Variants in BABAM2 observed in about 807,000 individuals in gnomAD.
BABAM2 encodes BRISC and BRCA1 A complex member 2.
A neutral mutation model predicts 54.7 loss-of-function variants in BABAM2; 31 were observed. That is an observed-to-expected ratio of 0.57 (90% CI 0.43 to 0.77). The LOEUF is 0.77. Ranked by LOEUF, BABAM2 falls within the 30% of genes least tolerant of loss-of-function variation. The pLI, the probability that BABAM2 is intolerant of heterozygous loss-of-function variation, is 0.00. For missense variants in BABAM2, 364 were observed against 455.8 expected, an observed-to-expected ratio of 0.80 and a Z score of 1.83; for synonymous variants, 167 against 162.9, an observed-to-expected ratio of 1.03 and a Z score of -0.19.
intron 3 of BABAM2, among the ~76,000 whole-genome samples, chr2:27,931,872 C>T (rs1374707655): frequency 6.6e-6 from 1 of 152,066 alleles, no homozygotes; most frequent in Non-Finnish European, 1.5e-5. Context: ...TCTTCCTTCA[C>T]CTCCCAGCTT....
chr2:28,324,030 A>G (rs1690245498), intron 11 of BABAM2, among the ~76,000 whole-genome samples: 2 of 152,294 alleles, frequency 1.3e-5, no homozygotes, highest in South Asian at 4.1e-4. Flanking sequence ...AGATCCCAAG[A>G]TGAGAGTGAA....
intron 5 of BABAM2, among the ~76,000 whole-genome samples, chr2:28,044,903 C>T (rs901700787): frequency 7.3e-5 from 11 of 151,478 alleles, no homozygotes; most frequent in Non-Finnish European, 1.5e-4. Context: ...CAGGTCAGGA[C>T]GCATCTTTGT....
At chr2:28,195,034 A>G (rs183119472) in intron 7 of BABAM2, among the ~76,000 whole-genome samples, 23 of 152,312 alleles carry the variant, frequency 1.5e-4, no homozygotes, top group African/African-American at 5.5e-4. Context: ...TACCAGAGAG[A>G]AAATTGTGCT....
chr2:28,171,825 C>T (rs1674355540), intron 7 of BABAM2, among the ~76,000 whole-genome samples: 1 of 151,620 alleles, frequency 6.6e-6, no homozygotes, highest in Non-Finnish European at 1.5e-5. Flanking sequence ...AGAGGTATGT[C>T]AGTGAAGTTT....
At chr2:28,254,922 A>G (rs1683841223) in intron 10 of BABAM2, among the ~76,000 whole-genome samples, 1 of 151,610 alleles carries the variant, frequency 6.6e-6, no homozygotes, top group Admixed American at 6.6e-5. Flanking sequence ...TTTTCCATAA[A>G]GACAGAGTCT....
At chr2:28,096,122 C>T (rs1407784059) in intron 6 of BABAM2, among the ~76,000 whole-genome samples, 2 of 152,058 alleles carry the variant, frequency 1.3e-5, no homozygotes, top group Admixed American at 6.6e-5. Context: ...TAGGTCTGGC[C>T]AGGCTCCTGT....
chr2:27,940,831 G>C (rs1049857374), intron 3 of BABAM2, among the ~76,000 whole-genome samples: 1 of 152,192 alleles, frequency 6.6e-6, no homozygotes, highest in African/African-American at 2.4e-5. Context: ...GAACTGGAAG[G>C]CTGGTAGACA....
intron 7 of BABAM2, among the ~76,000 whole-genome samples, chr2:28,133,975 A>G (rs1459196672): frequency 6.6e-6 from 1 of 152,138 alleles, no homozygotes; most frequent in Non-Finnish European, 1.5e-5. Context: ...GCACGCCCTT[A>G]CGATGCTTAG....
At chr2:27,923,802 C>T (rs1181778162) in intron 2 of BABAM2, among the ~76,000 whole-genome samples, 2 of 151,924 alleles carry the variant, frequency 1.3e-5, no homozygotes, top group Non-Finnish European at 2.9e-5. Context: ...GAAACCTTGC[C>T]TCTATTAAAA....
intron 11 of BABAM2, among the ~76,000 whole-genome samples, chr2:28,315,781 C>T (rs1279805307): frequency 1.3e-5 from 2 of 152,066 alleles, no homozygotes; most frequent in Non-Finnish European, 2.9e-5. Context: ...GCATAAGCCG[C>T]CTCACCCAGC....
At chr2:28,017,157 T>G (rs1212486229) in intron 4 of BABAM2, among the ~76,000 whole-genome samples, 2 of 152,244 alleles carry the variant, frequency 1.3e-5, no homozygotes, top group African/African-American at 4.8e-5. Flanking sequence ...TTCAATTGTT[T>G]TAGATGATAT....
Position 28,054,572 on chromosome 2 carries a change from A to G in BABAM2, c.570+8773A>G, listed in dbSNP as rs1573484233. Among the ~76,000 whole-genome samples, 4 of 152,258 alleles carry G rather than the reference A, an allele frequency of 2.6e-5. No individual in the cohort carries two copies. The South Asian group carries it at 8.3e-4, about 32-fold the overall frequency. On this transcript the variant is annotated intron_variant, in intron 6 of 11. Coordinates refer to ENST00000379624, the MANE Select transcript of BABAM2 (RefSeq NM_199191.3). ...TGAGGGTGGAGCCCTGGTGAATGGGATTAATACCCTTATGAAAGAAGCCCT... is the reference window on the plus strand; with the variant it reads ...TGAGGGTGGAGCCCTGGTGAATGGGGTTAATACCCTTATGAAAGAAGCCCT...
At chr2:28,059,883 G>T (rs924593192) in intron 6 of BABAM2, among the ~76,000 whole-genome samples, 1 of 152,148 alleles carries the variant, frequency 6.6e-6, no homozygotes, top group East Asian at 1.9e-4. Flanking sequence ...TTCCCACCAT[G>T]AAAACTTTAG....
intron 11 of BABAM2, among the ~76,000 whole-genome samples, chr2:28,331,766 T>G (rs544638220): frequency 6.6e-6 from 1 of 152,330 alleles, no homozygotes; most frequent in South Asian, 2.1e-4. Flanking sequence ...TGGCAATTCC[T>G]CAAAGACCTA....
At chr2:28,160,268 A>G (rs1313487669) in intron 7 of BABAM2, among the ~76,000 whole-genome samples, 1 of 152,148 alleles carries the variant, frequency 6.6e-6, no homozygotes, top group African/African-American at 2.4e-5. Context: ...AGGACTAGCC[A>G]CTGCGCCTGG....
chr2:27,950,701 A>G (rs990724344), intron 3 of BABAM2, among the ~76,000 whole-genome samples: 4 of 152,002 alleles, frequency 2.6e-5, no homozygotes, highest in Non-Finnish European at 5.9e-5. Flanking sequence ...CATTTTTTTC[A>G]AAGGTTTGTG....
rs1558347355 is a variant in BABAM2, at chr2:28,112,193, C to CCTTCCTTCCTTCCTT, written c.571-17077_571-17076insTTCCTTCCTTCCTTC. On this transcript the variant is annotated intron_variant, in intron 6 of 11. Transcript: ENST00000379624. ...TCCCTCCCTCCCTCCCTCCCTCCCT[C>CCTTCCTTCCTTCCTT]CCTCCCTTCCTTCCTTCCTTCCTTC... Among the ~76,000 whole-genome samples the CCTTCCTTCCTTCCTT allele has an allele frequency of 9.1e-4, 28 of 30,762 alleles. 4 individuals carry two copies. The highest frequency in any genetic ancestry group is 5.0e-3 in the African/African-American group (26 of 5,252). 20.2% of individuals were successfully genotyped at this position (30,762 alleles called of 152,430 possible).
intron 10 of BABAM2, among the ~76,000 whole-genome samples, chr2:28,246,235 C>A (rs996185072): frequency 2.6e-5 from 4 of 152,226 alleles, no homozygotes; most frequent in Admixed American, 2.0e-4. Context: ...CCCTACTAAT[C>A]TGAGCCTAAC....
intron 3 of BABAM2, among the ~76,000 whole-genome samples, chr2:27,944,005 A>T (rs984560924): frequency 6.6e-6 from 1 of 152,162 alleles, no homozygotes; most frequent in Non-Finnish European, 1.5e-5. Flanking sequence ...AGCAACTAAT[A>T]TTATTAATTT....
Sources: allele counts gnomAD v4.1 joint callset (sites outside exome capture counted in the v4.1 genomes callset), GRCh38; gene constraint gnomAD v4.1.1; transcripts MANE v1.5; gene names NCBI Gene and HGNC (gene_info 2026-07-23, HGNC 2026-07-21).